Variants in GPR83 observed in about 807,000 individuals in gnomAD.
GPR83 encodes G protein-coupled receptor 83.
GPR83 carries 23 observed loss-of-function variants against 28.0 expected under a neutral mutation model. That is an observed-to-expected ratio of 0.82 (90% CI 0.59 to 1.16). The LOEUF (loss-of-function observed/expected upper bound fraction) is 1.16, where lower values mean the gene tolerates loss of function less well. Among genes scored for constraint, GPR83 ranks in the 50% most tolerant of loss-of-function variants. GPR83 has a pLI of 0.00. For missense variants in GPR83, 610 were observed against 536.6 expected (o/e 1.14, Z -1.35); for synonymous variants, 234 against 215.4 (o/e 1.09, Z -0.76).
At chr11:94,388,657 C>G (rs549140954) in intron 3 of GPR83, among the ~76,000 whole-genome samples, 1 of 152,268 alleles carries the variant, frequency 6.6e-6, no homozygotes, top group East Asian at 1.9e-4. Context: ...CAAACCACTG[C>G]TCAAGGAAAT....
rs778848123 is a variant in GPR83 at position 94,401,074 on chromosome 11, C to G, written c.174G>C (p.Arg58Ser). The change falls in exon 1 of 4, where the codon AGG becomes AGC. Residue 58 changes from arginine (R) to serine (S), a missense_variant. Arg to Ser is a moderately radical substitution (Grantham distance 110). Transcript: ENST00000243673. ...TCTGGGACTCAGCGCCGTAGCGCCT[C>G]CTGCCCACAAAGTTCTGCCAGTCGG... ...TFSDWQNFVGRRRYGAESQNP... is the reference protein window; with the variant it reads ...TFSDWQNFVGSRRYGAESQNP... 2 of 1,614,242 alleles carry G rather than the reference C, an allele frequency of 1.2e-6. No homozygotes were observed. Among genetic ancestry groups the G allele is most frequent in the Non-Finnish European group, 1.7e-6 (2 of 1,180,028 alleles).
At chr11:94,383,006 T>C (rs1191382523) in intron 3 of GPR83, among the ~76,000 whole-genome samples, 5 of 149,324 alleles carry the variant, frequency 3.3e-5, no homozygotes, top group African/African-American at 9.9e-5. Flanking sequence ...CTACTAAAAA[T>C]ACAAAAAAAA....
chr11:94,386,957 C>G (rs895018439), intron 3 of GPR83, among the ~76,000 whole-genome samples: 2 of 152,110 alleles, frequency 1.3e-5, no homozygotes, highest in Non-Finnish European at 2.9e-5. Flanking sequence ...TGTAAAAGAA[C>G]AGAAATTATA....
chr11:94,386,264 T>C (rs1466737252), intron 3 of GPR83, among the ~76,000 whole-genome samples: 2 of 152,166 alleles, frequency 1.3e-5, no homozygotes, highest in Non-Finnish European at 2.9e-5. Context: ...GTAAAGACCA[T>C]TGAGGCTAGG....
Position 94,401,267 on chromosome 11 carries a change from C to T in GPR83, c.-20G>A. ...GACCATTTTGCAGGAGCCACCCCTC[C>T]CCTGGGAGCCTGCGGGCCGGGCGTC... On this transcript the variant is annotated 5_prime_UTR_variant, in exon 1 of 4. Coordinates refer to ENST00000243673, the MANE Select transcript of GPR83 (RefSeq NM_016540.4). The T allele has an allele frequency of 6.4e-7, 1 of 1,564,404 alleles. No individual in the cohort carries two copies. The highest frequency in any genetic ancestry group is 8.6e-7 in the Non-Finnish European group (1 of 1,160,614).
chr11:94,388,981 A>C (rs1319329638), intron 3 of GPR83, among the ~76,000 whole-genome samples: 8 of 151,980 alleles, frequency 5.3e-5, no homozygotes, highest in Admixed American at 5.3e-4. Context: ...CAGAGATATA[A>C]ACCAATGGAA....
chr11:94,385,418 C>G (rs890776903), intron 3 of GPR83, among the ~76,000 whole-genome samples: 1 of 152,092 alleles, frequency 6.6e-6, no homozygotes, highest in Admixed American at 6.6e-5. Context: ...GGAGGAAGTT[C>G]GAACCCACGG....
At chr11:94,399,319 C>T (rs1057350351) in intron 1 of GPR83, among the ~76,000 whole-genome samples, 3 of 152,186 alleles carry the variant, frequency 2.0e-5, no homozygotes, top group African/African-American at 4.8e-5. Flanking sequence ...ATACGTTAGA[C>T]GTAGGCTGAA....
chr11:94,383,796 C>T (rs1464038287), intron 3 of GPR83, among the ~76,000 whole-genome samples: 1 of 152,108 alleles, frequency 6.6e-6, no homozygotes, highest in Non-Finnish European at 1.5e-5. Flanking sequence ...GAAGTCAAAT[C>T]CCTGAATAAA....
intron 3 of GPR83, among the ~76,000 whole-genome samples, chr11:94,388,408 G>A (rs187639049): frequency 0.013 from 1,987 of 152,266 alleles, 42 homozygotes; most frequent in Middle Eastern, 0.024. Context: ...TGACATGATC[G>A]TATATCTAGA....
intron 2 of GPR83, among the ~76,000 whole-genome samples, chr11:94,394,115 G>T (rs533593119): frequency 2.6e-5 from 4 of 152,182 alleles, no homozygotes; most frequent in Non-Finnish European, 4.4e-5. Flanking sequence ...AAGGCTGCTC[G>T]CATGGCACCA....
Position 94,391,589 on chromosome 11 carries a change from A to G in GPR83, c.647+1896T>C, listed in dbSNP as rs144600184. On this transcript the variant is annotated intron_variant, in intron 3 of 3. Coordinates refer to ENST00000243673, the MANE Select transcript of GPR83 (RefSeq NM_016540.4). ...TCTATCCATCTGACAAAGGGCTAAT[A>G]CCCAGGATCTACAAAGAACTTAAAC... Among the ~76,000 whole-genome samples the G allele has an allele frequency of 4.9e-3, 739 of 152,330 alleles. 4 individuals are homozygous for G. The highest frequency in any genetic ancestry group is 5.8e-3 in the Non-Finnish European group (393 of 68,026).
intron 3 of GPR83, among the ~76,000 whole-genome samples, chr11:94,385,670 C>A (rs12271771): frequency 1.6e-3 from 236 of 152,248 alleles, no homozygotes; most frequent in African/African-American, 5.4e-3. Context: ...AAGAAATGAA[C>A]AAAGCCTCCA....
intron 1 of GPR83, among the ~76,000 whole-genome samples, chr11:94,399,162 G>A (rs1374272660): frequency 6.6e-6 from 1 of 152,172 alleles, no homozygotes. Context: ...CCGTACCACT[G>A]TAGATTCTCA....
At chr11:94,380,894 T>C in intron 3 of GPR83, 121 bp from the exon 4 acceptor site, 1 of 779,772 alleles carries the variant, frequency 1.3e-6, no homozygotes, top group Admixed American at 2.8e-5. Context: ...ATCCATCTAA[T>C]ATGGCACTTT....
rs558987444 is a variant in GPR83, at chr11:94,396,636, C to A, written c.388-112G>T. 7.8e-6 allele frequency: 8 copies of A among 1,022,852 alleles called. No individual in the cohort carries two copies. The African/African-American group carries it at 7.9e-5, about 10-fold the overall frequency. 63.4% of individuals were successfully genotyped at this position (1,022,852 alleles called of 1,614,324 possible). On this transcript the variant is annotated intron_variant, in intron 1 of 3. Coordinates refer to ENST00000243673, the MANE Select transcript of GPR83 (RefSeq NM_016540.4). ...GGGGGATTCCTCCAGCTCCTCCCTT[C>A]TTTCTGTCTATGATACTGAATTGTG... is the stretch of plus-strand genomic sequence containing the variant.
chr11:94,387,162 G>A (rs1158803477), intron 3 of GPR83, among the ~76,000 whole-genome samples: 3 of 152,102 alleles, frequency 2.0e-5, no homozygotes, highest in Non-Finnish European at 4.4e-5. Context: ...ACAATCTCTG[G>A]GACACATTTA....
chr11:94,389,351 G>T (rs1446329183), intron 3 of GPR83, among the ~76,000 whole-genome samples: 9 of 152,182 alleles, frequency 5.9e-5, no homozygotes, highest in Admixed American at 5.9e-4. Context: ...AAGAGCTTCT[G>T]CAGAGCAAAA....
At chr11:94,385,137 C>G (rs759497007) in intron 3 of GPR83, among the ~76,000 whole-genome samples, 2 of 152,170 alleles carry the variant, frequency 1.3e-5, no homozygotes, top group African/African-American at 4.8e-5. Flanking sequence ...AGCTGAGGGT[C>G]CCGACTGTTA....
Sources: gnomAD v4.1 joint callset for allele counts (sites outside exome capture counted in the v4.1 genomes callset) on GRCh38, gnomAD v4.1.1 for gene constraint, MANE v1.5 for transcripts, NCBI Gene and HGNC (gene_info 2026-07-23, HGNC 2026-07-21) for gene names.